The following PLCH2 variants were observed in gnomAD, a reference collection of about 807,000 sequenced individuals.
PLCH2 encodes the protein phospholipase C eta 2, also known as 1-phosphatidylinositol 4,5-bisphosphate phosphodiesterase eta-2.
In PLCH2, 98 loss-of-function variants were observed where a neutral mutation model predicts 134.7. That is an observed-to-expected ratio of 0.73 (90% CI 0.62 to 0.86). PLCH2 has a LOEUF of 0.86. PLCH2 is among the 40% of genes least tolerant of loss of function. The probability of loss-of-function intolerance (pLI) is 0.00; values close to 1 mark genes in which losing one functional copy is unlikely to be tolerated. For missense variants in PLCH2, 1,994 were observed against 1,986.6 expected (o/e 1.00, Z -0.07); for synonymous variants, 974 against 827.5 (o/e 1.18, Z -3.04).
Position 2,498,629 on chromosome 1 carries a change from G to A in PLCH2, c.2331G>A (p.Met777Ile). 6.3e-7 allele frequency: 1 copy of A among 1,575,068 alleles called. No homozygotes were observed. The highest frequency in any genetic ancestry group is 8.6e-7 in the Non-Finnish European group (1 of 1,161,228). The change falls in exon 17 of 22, where the codon ATG becomes ATA. Residue 777 changes from methionine (M) to isoleucine (I), a missense_variant. By Grantham distance (10) the Met-to-Ile change is conservative. Around this residue, in one of 2 missense-constraint regions of PLCH2, gnomAD observed 1,094 missense variants for 1,234.3 expected, o/e 0.89. Coordinates refer to ENST00000378486, the MANE Select transcript of PLCH2 (RefSeq NM_014638.4). The surrounding 1 kb of genome is among the most constrained non-coding windows in gnomAD (Gnocchi z 5.4). ...GQQLPKPRDS[M>I]LGDRGEIIDP... ...AGCTTCCCAAGCCGCGCGACTCCAT[G>A]CTGGGGGACCGTGGGGAGGTGGGGG...
At chr1:2,436,469 TCC>T (rs1639402347) in intron 2 of PLCH2, among the ~76,000 whole-genome samples, 1 of 36,264 alleles carries the variant, frequency 2.8e-5, no homozygotes, top group African/African-American at 2.3e-4. Context: ...CCACCTTTCC[TCC>T]TTCCTCCCTC....
Position 2,498,586 on chromosome 1 carries a change from G to T in PLCH2, c.2288G>T (p.Arg763Leu). 6.2e-7 allele frequency: 1 copy of T among 1,601,748 alleles called. No homozygotes were observed. Among genetic ancestry groups the T allele is most frequent in the Non-Finnish European group, 8.5e-7 (1 of 1,176,118 alleles). Reference sequence around the variant, plus strand: ...CAGCTCAAGAAGCAGCTGGTGCTCCGGATCATCAGTGGCCAGCAGCTTCCC... The same window carrying T: ...CAGCTCAAGAAGCAGCTGGTGCTCCTGATCATCAGTGGCCAGCAGCTTCCC... ...PGQLKKQLVL[R>L]IISGQQLPKP... The change falls in exon 17 of 22, where the codon CGG (arginine) becomes CTG (leucine). Residue 763 changes from arginine to leucine, a missense_variant. Transcript: ENST00000378486. The surrounding 1 kb of genome is among the most constrained non-coding windows in gnomAD (Gnocchi z 5.4).
intron 11 of PLCH2, chr1:2,494,584 G>A (rs559161281): frequency 1.8e-6 from 1 of 567,600 alleles, no homozygotes; most frequent in Non-Finnish European, 3.2e-6. Flanking sequence ...GAGACGCTGA[G>A]GCAGGTGTGA....
rs1249065512 is a variant in PLCH2 at position 2,502,389 on chromosome 1, C to CCGGCAG, written c.2947_2952dup (p.Gly983_Ser984dup). The CCGGCAG allele has an allele frequency of 2.6e-6, 4 of 1,543,456 alleles. No individual in the cohort carries two copies. The East Asian group carries it at 9.8e-5, about 38-fold the overall frequency. ...CCGGAAGCCCCAGCCCAGGAGGGGC[C>CCGGCAG]CGGCAGCGGCAGCCCCCGAGGTAAG... On this transcript the variant is annotated inframe_insertion, in exon 21 of 22. Transcript: ENST00000378486.
At chr1:2,452,294 C>T (rs1351486250) in intron 2 of PLCH2, among the ~76,000 whole-genome samples, 1 of 152,198 alleles carries the variant, frequency 6.6e-6, no homozygotes, top group Admixed American at 6.5e-5. Flanking sequence ...CCTGCCGCCC[C>T]CCATCCCCCG....
At chr1:2,440,975 G>A (rs370388310) in intron 2 of PLCH2, among the ~76,000 whole-genome samples, 8 of 152,156 alleles carry the variant, frequency 5.3e-5, no homozygotes, top group Non-Finnish European at 1.2e-4. Context: ...GGCTGTGCCC[G>A]GGTGGTCCTG....
chr1:2,417,337 C>T, the PLCH2 span, among the ~76,000 whole-genome samples: 11 of 152,134 alleles, frequency 7.2e-5, no homozygotes. Context: ...AGGGCTCTGT[C>T]CATGTGAGAG....
chr1:2,502,497 C>A, intron 21 of PLCH2, 88 bp downstream of exon 21: 1 of 1,284,910 alleles, frequency 7.8e-7, no homozygotes, highest in Non-Finnish European at 1.1e-6. Context: ...GCTGGGATGG[C>A]CGCCACATGC....
intron 11 of PLCH2, chr1:2,492,265 C>G (rs1472464617): frequency 6.6e-6 from 1 of 152,264 alleles, no homozygotes; most frequent in Non-Finnish European, 1.5e-5. Context: ...CTCGGCACAG[C>G]TGACACCGCA....
the PLCH2 span, among the ~76,000 whole-genome samples, chr1:2,416,514 G>C: frequency 6.6e-6 from 1 of 152,160 alleles, no homozygotes. Context: ...GTCTGTGGCA[G>C]ACCCAGGACC....
chr1:2,426,964 C>G (rs1371252096), intron 1 of PLCH2, among the ~76,000 whole-genome samples: 2 of 152,176 alleles, frequency 1.3e-5, no homozygotes, highest in Non-Finnish European at 2.9e-5. Context: ...GGGCCTTGGG[C>G]TGGGAGAGTG....
intron 20 of PLCH2, chr1:2,500,017 G>A: frequency 3.8e-6 from 2 of 527,086 alleles, no homozygotes. Context: ...TCAGACTCTT[G>A]GGGGCCTTGC....
chr1:2,488,698 A>C (rs191766078), intron 8 of PLCH2, among the ~76,000 whole-genome samples: 50 of 152,370 alleles, frequency 3.3e-4, no homozygotes, highest in African/African-American at 9.9e-4. Flanking sequence ...TGCACTGTGC[A>C]GGTAATAACC....
intron 4 of PLCH2, among the ~76,000 whole-genome samples, chr1:2,481,014 GCA>G (rs1401888976): frequency 6.6e-6 from 1 of 152,194 alleles, no homozygotes; most frequent in Non-Finnish European, 1.5e-5. Flanking sequence ...GCACATACAC[GCA>G]CACACACGCA....
chr1:2,464,499 C>T (rs572077247), upstream of PLCH2, among the ~76,000 whole-genome samples: 19 of 152,316 alleles, frequency 1.2e-4, no homozygotes, highest in East Asian at 1.7e-3. Flanking sequence ...TTGGGCTGGC[C>T]GTGTCTTCCT....
chr1:2,480,095 G>A (rs1466323958), intron 3 of PLCH2, 88 bp from the exon 4 acceptor site: 3 of 1,583,446 alleles, frequency 1.9e-6, no homozygotes, highest in African/African-American at 2.7e-5. Flanking sequence ...GTAGGCTGGG[G>A]TCCCCTATTC....
intron 2 of PLCH2, among the ~76,000 whole-genome samples, chr1:2,449,111 G>A (rs886929769): frequency 4.6e-5 from 7 of 151,948 alleles, no homozygotes; most frequent in Non-Finnish European, 8.8e-5. Context: ...CCCCCTGGAC[G>A]GAGGAAAATG....
chr1:2,497,680 G>T, intron 16 of PLCH2, 71 bp downstream of exon 16: 1 of 1,075,802 alleles, frequency 9.3e-7, no homozygotes. Flanking sequence ...CCCCAGAACA[G>T]AGATCGGAGC....
chr1:2,482,029 T>A (rs1445935006), intron 4 of PLCH2, among the ~76,000 whole-genome samples: 1 of 152,266 alleles, frequency 6.6e-6, no homozygotes, highest in African/African-American at 2.4e-5. Context: ...GGAAGTGGGC[T>A]GGACCCAGTG....
Sources: allele counts gnomAD v4.1 joint callset (sites outside exome capture counted in the v4.1 genomes callset), GRCh38; gene constraint gnomAD v4.1.1; regional missense constraint gnomAD v4.1.1; non-coding constraint Gnocchi (gnomAD v3.1); transcripts MANE v1.5; gene names NCBI Gene and HGNC (gene_info 2026-07-23, HGNC 2026-07-21).